The following SHPRH variants were observed in gnomAD, a reference collection of about 807,000 sequenced individuals.
SHPRH encodes the protein E3 ubiquitin-protein ligase SHPRH.
Under a neutral mutation model 202.5 loss-of-function variants are expected in SHPRH, and 106 were observed. That is an observed-to-expected ratio of 0.52 (90% CI 0.45 to 0.62). SHPRH has a LOEUF of 0.62. Ranked by LOEUF, SHPRH falls within the 20% of genes least tolerant of loss-of-function variation. SHPRH has a pLI of 0.00. For synonymous variants in SHPRH, 729 were observed against 686.0 expected (o/e 1.06, Z -0.98); for missense variants, 1,710 against 2,020.0 (o/e 0.85, Z 2.94).
At chr6:145,895,943 A>G (rs1285665765) in intron 25 of SHPRH, among the ~76,000 whole-genome samples, 2 of 152,208 alleles carry the variant, frequency 1.3e-5, no homozygotes, top group East Asian at 3.9e-4. Context: ...TTTCTGAGAT[A>G]TTAAATATGA....
chr6:145,943,205 TG>T lies in SHPRH; in HGVS notation c.2175del (p.Ile726SerfsTer13). 1 of 1,613,582 alleles carries T rather than the reference TG, an allele frequency of 6.2e-7. No individual in the cohort carries two copies. Among genetic ancestry groups the T allele is most frequent in the Non-Finnish European group, 8.5e-7 (1 of 1,179,732 alleles). ...TRATLIISPS[S>X]ICHQWVDEIN... ...ATCTCATCCACCCACTGGTGACAGA[TG>T]GAACTTGGAGAGATGATCAGAGTTG... On this transcript the variant is annotated frameshift_variant, in exon 9 of 30. Coordinates refer to ENST00000275233, the MANE Select transcript of SHPRH (RefSeq NM_001042683.3). LOFTEE classifies it high-confidence loss of function.
At chr6:145,867,621 T>TAG (rs1228047772) in intron 2 of SHPRH, among the ~76,000 whole-genome samples, 48 of 70,000 alleles carry the variant, frequency 6.9e-4, no homozygotes, top group African/African-American at 8.4e-4. Context: ...TATATATATA[T>TAG]ATATATATAT....
intron 14 of SHPRH, among the ~76,000 whole-genome samples, chr6:145,930,940 C>T (rs1412201120): frequency 6.6e-6 from 1 of 152,086 alleles, no homozygotes; most frequent in East Asian, 1.9e-4. Flanking sequence ...GATAAAGTAA[C>T]ACCCTTTATC....
At chr6:145,913,671 T>C in intron 23 of SHPRH, 122 bp from the exon 24 acceptor site, 1 of 667,912 alleles carries the variant, frequency 1.5e-6, no homozygotes, top group Non-Finnish European at 2.4e-6. Context: ...ATCTAACAAT[T>C]TAGATGACCC....
At chr6:145,897,121 T>C (rs560610635) in intron 25 of SHPRH, among the ~76,000 whole-genome samples, 7 of 151,898 alleles carry the variant, frequency 4.6e-5, no homozygotes, top group African/African-American at 9.6e-5. Flanking sequence ...AGTTGGTTAT[T>C]TGAAAACATA....
chr6:145,915,575 G>C (rs1229707189), intron 23 of SHPRH, among the ~76,000 whole-genome samples: 1 of 151,770 alleles, frequency 6.6e-6, no homozygotes, highest in Non-Finnish European at 1.5e-5. Context: ...TAGGTTGGCT[G>C]TTTTTTTCTT....
At chr6:145,926,601 T>G (rs1416892178) in intron 15 of SHPRH, among the ~76,000 whole-genome samples, 1 of 151,960 alleles carries the variant, frequency 6.6e-6, no homozygotes, top group East Asian at 1.9e-4. Flanking sequence ...TGTGAACATG[T>G]TAGTCAGTCC....
At position 145,910,458 on chromosome 6, in the gene SHPRH, A is replaced by G; in HGVS notation, c.4505T>C (p.Ile1502Thr). 6.2e-7 allele frequency: 1 copy of G among 1,612,894 alleles called. No individual in the cohort carries two copies. Among genetic ancestry groups the G allele is most frequent in the South Asian group, 1.1e-5 (1 of 91,004 alleles). Residue 1502 changes from isoleucine to threonine, a missense_variant, in exon 25 of 30, where the codon ATC becomes ACC. By Grantham distance (89) the Ile-to-Thr change is moderately conservative. This residue lies in a region of SHPRH where 306 missense variants were observed against 479.5 expected (regional missense o/e 0.64). Transcript: ENST00000275233. ...TSEKANQEEDIPVKGSHSTKV... is the reference protein window; with the variant it reads ...TSEKANQEEDTPVKGSHSTKV... ...CCTGACCTACTTTACCTTCACAGGG[A>G]TGTCCTCCTCCTGGTTTGCTTTCTC...
Position 145,949,299 on chromosome 6 carries a change from T to G in SHPRH, c.983-949A>C, listed in dbSNP as rs1017197734. Among the ~76,000 whole-genome samples the G allele has an allele frequency of 2.6e-5, 4 of 152,152 alleles. No homozygotes were observed. In the East Asian group the frequency reaches 7.7e-4, roughly 29 times the overall value. On this transcript the variant is annotated intron_variant, in intron 4 of 29. Transcript: ENST00000275233. ...GTACAAATTCACAATTGCAAAGATATGAAATCAACTTAAGTGCCCATCAAC... is the reference window on the plus strand; with the variant it reads ...GTACAAATTCACAATTGCAAAGATAGGAAATCAACTTAAGTGCCCATCAAC...
In SHPRH at chr6:145,922,797, T is replaced by A; in HGVS notation, c.3585A>T (p.Thr1195=). The stretch of plus-strand genomic sequence containing the variant: ...GGCATTTATTTAGCTCTTCCATTTG[T>A]GTTGTAAGTAAGAACTGAAGACCTC... The part of the protein sequence containing the change: ...DCRGLQFLLT[T]QMEELNKCQK... Residue 1195 remains threonine, a synonymous_variant, in exon 19 of 30, where the codon ACA becomes ACT. Coordinates refer to ENST00000275233, the MANE Select transcript of SHPRH (RefSeq NM_001042683.3). The A allele has an allele frequency of 6.2e-7, 1 of 1,611,910 alleles. No homozygotes were observed. The highest frequency in any genetic ancestry group is 8.5e-7 in the Non-Finnish European group (1 of 1,178,640).
At chr6:145,908,774 T>C (rs1309862139) in intron 25 of SHPRH, 3 of 152,198 alleles carry the variant, frequency 2.0e-5, no homozygotes, top group Admixed American at 6.6e-5. Context: ...TTTGTCAATT[T>C]TGGCTTTTGT....
Position 145,927,126 on chromosome 6 carries a change from A to T in SHPRH, c.3201+63T>A. The T allele has an allele frequency of 1.4e-6, 2 of 1,452,114 alleles. 1 individual carries two copies. Among genetic ancestry groups the T allele is most frequent in the South Asian group, 2.4e-5 (2 of 85,004 alleles). 90.0% of individuals were successfully genotyped at this position (1,452,114 alleles called of 1,614,324 possible). A position where few individuals can be genotyped will look rare whatever the true frequency, so the allele number is the denominator to read the frequency against. On this transcript the variant is annotated intron_variant, in intron 15 of 29. Transcript: ENST00000275233. ...TTACCATTTATCCTCTTAAACATTC[A>T]GAAAAATTATTTTGTTAAAAAAACA...
intron 11 of SHPRH, among the ~76,000 whole-genome samples, chr6:145,940,093 T>C (rs1223277693): frequency 1.3e-5 from 2 of 152,130 alleles, no homozygotes; most frequent in Non-Finnish European, 2.9e-5. Flanking sequence ...CGTTCTACTG[T>C]GATATTGAAT....
chr6:145,962,517 T>C (rs1789197804), intron 1 of SHPRH, among the ~76,000 whole-genome samples: 1 of 152,234 alleles, frequency 6.6e-6, no homozygotes, highest in African/African-American at 2.4e-5. Flanking sequence ...CTGCCTGAAC[T>C]GTATCTTTAA....
At chr6:145,959,686 C>A (rs1788891453) in intron 1 of SHPRH, among the ~76,000 whole-genome samples, 1 of 152,228 alleles carries the variant, frequency 6.6e-6, no homozygotes, top group African/African-American at 2.4e-5. Context: ...TACTGGACAG[C>A]ACAAATATAG....
intron 2 of SHPRH, among the ~76,000 whole-genome samples, chr6:145,866,137 A>G (rs1339875041): frequency 1.3e-5 from 2 of 152,244 alleles, no homozygotes; most frequent in South Asian, 4.1e-4. Flanking sequence ...CCCAAGGGGG[A>G]AAAACAGTTG....
intron 1 of SHPRH, among the ~76,000 whole-genome samples, chr6:145,960,680 T>C (rs184088999): frequency 2.6e-5 from 4 of 152,316 alleles, no homozygotes; most frequent in East Asian, 1.9e-4. Context: ...ATCTCTAAAA[T>C]GGGGATGATA....
chr6:145,957,573 A>G (rs1446295008), intron 1 of SHPRH, among the ~76,000 whole-genome samples: 1 of 152,196 alleles, frequency 6.6e-6, no homozygotes, highest in Non-Finnish European at 1.5e-5. Flanking sequence ...GATGACCTAT[A>G]AGTGTAAAAT....
intron 25 of SHPRH, among the ~76,000 whole-genome samples, chr6:145,900,617 A>G (rs2265919): frequency 0.37 from 56,210 of 151,782 alleles, 10,920 homozygotes; most frequent in South Asian, 0.49. Context: ...ATTGTATACC[A>G]TTGTCCCTTG....
Sources: gnomAD v4.1 joint callset for allele counts (sites outside exome capture counted in the v4.1 genomes callset) on GRCh38, gnomAD v4.1.1 for gene constraint, gnomAD v4.1.1 regional missense constraint, MANE v1.5 for transcripts, NCBI Gene and HGNC (gene_info 2026-07-23, HGNC 2026-07-21) for gene names.